The following ACYP2 variants were observed in gnomAD, a reference collection of about 807,000 sequenced individuals.
ACYP2 encodes acylphosphatase 2, also known as acylphosphatase-2.
A neutral mutation model predicts 11.2 loss-of-function variants in ACYP2; 12 were observed. The observed-to-expected ratio is 1.08, with a 90% CI of 0.69 to 1.74. The LOEUF is 1.74. Ranked by LOEUF, ACYP2 falls within the 40% of genes most tolerant of loss-of-function variation. The pLI, the probability that ACYP2 is intolerant of heterozygous loss-of-function variation, is 0.00. For synonymous variants in ACYP2, 43 were observed against 32.2 expected, an observed-to-expected ratio of 1.33 and a Z score of -1.13; for missense variants, 134 against 101.9, an observed-to-expected ratio of 1.31 and a Z score of -1.35.
intron 2 of ACYP2, among the ~76,000 whole-genome samples, chr2:53,994,356 A>T (rs1233767418): frequency 1.3e-5 from 2 of 149,818 alleles, no homozygotes; most frequent in African/African-American, 4.9e-5. Flanking sequence ...AAAAAAACGA[A>T]AAAAAACAAA....
At chr2:54,002,839 C>T (rs147888382) in intron 2 of ACYP2, among the ~76,000 whole-genome samples, 15,837 of 149,948 alleles carry the variant, frequency 0.11, 1,116 homozygotes, top group Middle Eastern at 0.23. Context: ...TTAGTAGAGA[C>T]GGGGTTTCTC....
chr2:54,140,193 T>C (rs1268920381), intron 6 of ACYP2, among the ~76,000 whole-genome samples: 1 of 152,088 alleles, frequency 6.6e-6, no homozygotes, highest in Admixed American at 6.6e-5. Flanking sequence ...TGTACAGAAC[T>C]GATAGTTCAA....
intron 6 of ACYP2, among the ~76,000 whole-genome samples, chr2:54,147,187 CT>C (rs1681936727): frequency 1.3e-5 from 2 of 152,186 alleles, no homozygotes; most frequent in South Asian, 4.1e-4. Flanking sequence ...TTTTGCTTAT[CT>C]TTTATATTGC....
intron 2 of ACYP2, among the ~76,000 whole-genome samples, chr2:53,994,354 G>GA (rs1158386089): frequency 4.1e-4 from 42 of 103,002 alleles, no homozygotes; most frequent in South Asian, 7.2e-4. Context: ...AAAAAAAAAC[G>GA]AAAAAAAACA....
intron 4 of ACYP2, among the ~76,000 whole-genome samples, chr2:54,118,823 T>A (rs906217102): frequency 3.3e-5 from 5 of 152,190 alleles, no homozygotes; most frequent in African/African-American, 7.2e-5. Context: ...TAGTATGTAG[T>A]ACAAACTCAC....
intron 4 of ACYP2, chr2:54,123,366 G>A (rs768820338): frequency 5.0e-5 from 20 of 398,422 alleles, no homozygotes; most frequent in Non-Finnish European, 6.2e-5. Context: ...GAGGTTGTAC[G>A]GTAAGCAAAA....
chr2:54,234,240 A>G (rs1183970984), intron 6 of ACYP2, among the ~76,000 whole-genome samples: 3 of 152,188 alleles, frequency 2.0e-5, no homozygotes, highest in African/African-American at 7.2e-5. Flanking sequence ...CTCATTGTAA[A>G]CGGATTTTAT....
intron 6 of ACYP2, among the ~76,000 whole-genome samples, chr2:54,249,861 G>A (rs897753135): frequency 1.4e-5 from 2 of 144,232 alleles, no homozygotes; most frequent in Non-Finnish European, 3.0e-5. Context: ...GATCACTTGA[G>A]CCCAGGAACA....
At chr2:54,246,087 TC>T (rs1686939085) in intron 6 of ACYP2, among the ~76,000 whole-genome samples, 1 of 152,184 alleles carries the variant, frequency 6.6e-6, no homozygotes, top group Non-Finnish European at 1.5e-5. Flanking sequence ...TATTTAGTTT[TC>T]CCAGCACCAT....
intron 6 of ACYP2, among the ~76,000 whole-genome samples, chr2:54,297,962 A>C (rs573083633): frequency 1.3e-5 from 2 of 152,330 alleles, no homozygotes; most frequent in South Asian, 4.1e-4. Flanking sequence ...AATTATGCTA[A>C]ACTCTAATAG....
chr2:54,215,042 C>A (rs1466380465), intron 6 of ACYP2, among the ~76,000 whole-genome samples: 26 of 152,098 alleles, frequency 1.7e-4, no homozygotes. Flanking sequence ...TTTGGTTTGG[C>A]TCTCAGCTTG....
At chr2:54,047,870 CAA>C (rs1394202508) in intron 2 of ACYP2, among the ~76,000 whole-genome samples, 1 of 152,156 alleles carries the variant, frequency 6.6e-6, no homozygotes, top group Non-Finnish European at 1.5e-5. Context: ...ATTGTCTCCT[CAA>C]GAGTTGAGTC....
intron 6 of ACYP2, among the ~76,000 whole-genome samples, chr2:54,173,805 C>G (rs1188347103): frequency 6.6e-6 from 1 of 152,128 alleles, no homozygotes; most frequent in African/African-American, 2.4e-5. Context: ...AATCCTTTCC[C>G]CATTGCTTGT....
At chr2:54,135,996 C>G (rs1572836779) in intron 5 of ACYP2, among the ~76,000 whole-genome samples, 1 of 152,328 alleles carries the variant, frequency 6.6e-6, no homozygotes, top group Middle Eastern at 3.4e-3. Flanking sequence ...CTTCCAGGCT[C>G]AAGTGATTCT....
chr2:54,040,347 A>C (rs573135733), intron 2 of ACYP2, among the ~76,000 whole-genome samples: 111 of 152,300 alleles, frequency 7.3e-4, no homozygotes, highest in African/African-American at 2.1e-3. Flanking sequence ...GTTAAACTTG[A>C]GATGTCTTTT....
intron 6 of ACYP2, among the ~76,000 whole-genome samples, chr2:54,296,620 G>A (rs1389124012): frequency 1.3e-5 from 2 of 152,018 alleles, no homozygotes; most frequent in African/African-American, 4.8e-5. Flanking sequence ...TATAAAAAAT[G>A]CATCCATAAT....
At chr2:54,009,110 G>A (rs1471413582) in intron 2 of ACYP2, among the ~76,000 whole-genome samples, 2 of 150,666 alleles carry the variant, frequency 1.3e-5, no homozygotes, top group Non-Finnish European at 1.5e-5. Context: ...CCAAGACTGT[G>A]CCACTGCACT....
intron 4 of ACYP2, among the ~76,000 whole-genome samples, chr2:54,069,764 A>C (rs937650831): frequency 6.6e-6 from 1 of 152,222 alleles, no homozygotes; most frequent in Admixed American, 6.5e-5. Flanking sequence ...ATTGAGGGTG[A>C]CCAGCTGATG....
chr2:54,300,331 A>C (rs1432235602), intron 6 of ACYP2, among the ~76,000 whole-genome samples: 1 of 152,230 alleles, frequency 6.6e-6, no homozygotes, highest in African/African-American at 2.4e-5. Flanking sequence ...TGAAGGATTC[A>C]GTCCCCCAGA....
Sources: allele counts gnomAD v4.1 joint callset (sites outside exome capture counted in the v4.1 genomes callset), GRCh38; gene constraint gnomAD v4.1.1; transcripts MANE v1.5; gene names NCBI Gene and HGNC (gene_info 2026-07-23, HGNC 2026-07-21).